The following KIF5C variants were observed in gnomAD, a reference collection of about 807,000 sequenced individuals.
KIF5C encodes the protein kinesin heavy chain isoform 5C.
KIF5C carries 18 observed loss-of-function variants against 125.2 expected under a neutral mutation model. The ratio of observed to expected loss-of-function variants is 0.14; its 90% CI spans 0.10 to 0.21. The LOEUF is 0.21. Among genes scored for constraint, KIF5C ranks in the 10% least tolerant of loss-of-function variants. The pLI is 1.00. For missense variants in KIF5C, 780 were observed against 1,183.8 expected, an observed-to-expected ratio of 0.66 and a Z score of 5.01; for synonymous variants, 405 against 434.0, an observed-to-expected ratio of 0.93 and a Z score of 0.83.
intron 13 of KIF5C, among the ~76,000 whole-genome samples, chr2:148,980,950 TC>T (rs147872785): frequency 0.016 from 2,404 of 152,190 alleles, 74 homozygotes; most frequent in African/African-American, 0.055. Context: ...CCTCAGGTAA[TC>T]CACCTGCCTC....
intron 1 of KIF5C, among the ~76,000 whole-genome samples, chr2:148,890,422 G>T (rs1681674975): frequency 6.6e-6 from 1 of 151,980 alleles, no homozygotes; most frequent in Non-Finnish European, 1.5e-5. Context: ...GATCACTTGA[G>T]CCCAGGAATT....
chr2:148,961,021 C>T (rs1054120472), intron 10 of KIF5C, among the ~76,000 whole-genome samples: 49 of 152,278 alleles, frequency 3.2e-4, no homozygotes, highest in African/African-American at 1.2e-3. Flanking sequence ...CTGATTTGCT[C>T]TCCACAGTTG....
intron 20 of KIF5C, 45 bp downstream of exon 20, chr2:149,000,569 G>T: frequency 6.4e-7 from 1 of 1,550,922 alleles, no homozygotes; most frequent in Non-Finnish European, 8.7e-7. Context: ...TCATCCCCAT[G>T]ATATTCTGGT....
At position 148,875,290 on chromosome 2, in the gene KIF5C, C is replaced by A. The variant is rs957567200; in HGVS notation, c.-328C>A. 7.7e-5 allele frequency: 19 copies of A among 245,776 alleles called. No homozygotes were observed. The highest frequency in any genetic ancestry group is 1.2e-4 in the Non-Finnish European group (15 of 129,474). The allele number at this position is 245,776 out of a possible 1,614,324, so 15.2% of individuals were successfully genotyped here. ...AGGAGCCCGGGAGGTCTGAGCCGGG[C>A]GAGGCTCGCTCCCTGCGCATCGCCT... On this transcript the variant is annotated 5_prime_UTR_variant, in exon 1 of 26. Transcript: ENST00000435030.
chr2:149,019,110 G>A (rs921221281), intron 25 of KIF5C, among the ~76,000 whole-genome samples: 9 of 152,164 alleles, frequency 5.9e-5, no homozygotes, highest in Admixed American at 1.3e-4. Flanking sequence ...TCCCCCAGCT[G>A]TTTCTGCATT....
In KIF5C at chr2:149,025,417, T is replaced by TA. The variant is rs1227634635; in HGVS notation, c.*2349dup. On this transcript the variant is annotated 3_prime_UTR_variant, in exon 26 of 26. Coordinates refer to ENST00000435030, the MANE Select transcript of KIF5C (RefSeq NM_004522.3). ...ATGGATCCTTAAATATTGCTATGTA[T>TA]AATAAGCCAGTTATTATATCAGGAC... 1 of 152,644 alleles carries TA rather than the reference T, an allele frequency of 6.6e-6. No homozygotes were observed. The highest frequency in any genetic ancestry group is 1.9e-4 in the East Asian group (1 of 5,198). 9.5% of individuals were successfully genotyped at this position (152,644 alleles called of 1,614,324 possible).
chr2:148,997,210 T>C, intron 17 of KIF5C, 54 bp from the exon 18 acceptor site: 2 of 1,572,978 alleles, frequency 1.3e-6, no homozygotes, highest in South Asian at 2.3e-5. Context: ...TTTTTGCTTT[T>C]GGGTGTGAGT....
intron 16 of KIF5C, 79 bp from the exon 17 acceptor site, chr2:148,994,342 A>G (rs1418863446): frequency 5.3e-6 from 8 of 1,510,430 alleles, no homozygotes; most frequent in East Asian, 5.0e-5. Context: ...CCTCTCTCGC[A>G]TTTTCCTACC....
In KIF5C at chr2:149,011,625, C is replaced by T. The variant is rs377142145; in HGVS notation, c.2823C>T (p.Ala941=). The T allele has an allele frequency of 1.8e-5, 29 of 1,613,986 alleles. No homozygotes were observed. The African/African-American group carries it at 3.5e-4, about 19-fold the overall frequency. Residue 941 remains alanine (A), a synonymous_variant, in exon 25 of 26, where the codon GCC becomes GCT. Coordinates refer to ENST00000435030, the MANE Select transcript of KIF5C (RefSeq NM_004522.3). ...YPASSPTAVH[A]IRGGGGSSSN... ...CCTCATCTCCAACGGCCGTCCATGC[C>T]ATTCGAGGGGGAGGAGGCAGCTCTT... is the stretch of plus-strand genomic sequence containing the variant.
At chr2:148,905,912 CT>C (rs1300278196) in intron 1 of KIF5C, among the ~76,000 whole-genome samples, 2 of 152,210 alleles carry the variant, frequency 1.3e-5, no homozygotes, top group East Asian at 3.8e-4. Flanking sequence ...GGAAACTCCT[CT>C]CTGTAAACCC....
rs1558876307 is a variant in KIF5C, at chr2:148,895,876, C to CACACA, written c.126+20133_126+20134insACACA. Among the ~76,000 whole-genome samples the CACACA allele has an allele frequency of 5.1e-3, 138 of 27,150 alleles. 2 individuals are homozygous for CACACA. Among genetic ancestry groups the CACACA allele is most frequent in the African/African-American group, 9.2e-3 (126 of 13,670 alleles). The allele number at this position is 27,150 out of a possible 152,430, so 17.8% of individuals were successfully genotyped here. On this transcript the variant is annotated intron_variant, in intron 1 of 25. Coordinates refer to ENST00000435030, the MANE Select transcript of KIF5C (RefSeq NM_004522.3). ...CACACACACACACACACACACACAC[C>CACACA]CACAGAGATCTGGTGTCTCTTCCTC...
At chr2:148,879,323 A>T (rs900228286) in intron 1 of KIF5C, 3 of 152,204 alleles carry the variant, frequency 2.0e-5, no homozygotes, top group African/African-American at 4.8e-5. Flanking sequence ...GAATTCTGGA[A>T]ACTTTACTTT....
chr2:148,986,585 G>A (rs1180185806), intron 15 of KIF5C, among the ~76,000 whole-genome samples: 1 of 152,096 alleles, frequency 6.6e-6, no homozygotes, highest in African/African-American at 2.4e-5. Context: ...TTTCTTATTG[G>A]TCATGACTAT....
chr2:148,875,575 G>GCCCCCCCCCCCCCCCCCCCC lies in KIF5C; in HGVS notation c.-37_-36insCCCCCCCCCCCCCCCCCCCC. 2.9e-6 allele frequency: 2 copies of GCCCCCCCCCCCCCCCCCCCC among 699,582 alleles called. No homozygotes were observed. The allele number at this position is 699,582 out of a possible 1,614,324, so 43.3% of individuals were successfully genotyped here. Reference sequence around the variant, plus strand: ...TCCTCCCTCGTCGTTCCCGGCCCCGGCCCCCCACCCATCCCCGTGCCCCCT... The same window carrying GCCCCCCCCCCCCCCCCCCCC: ...TCCTCCCTCGTCGTTCCCGGCCCCGGCCCCCCCCCCCCCCCCCCCCCCCCCCACCCATCCCCGTGCCCCCT... On this transcript the variant is annotated 5_prime_UTR_variant, in exon 1 of 26. Transcript: ENST00000435030.
intron 11 of KIF5C, among the ~76,000 whole-genome samples, chr2:148,970,286 C>T (rs1476414937): frequency 6.6e-6 from 1 of 152,154 alleles, no homozygotes; most frequent in African/African-American, 2.4e-5. Flanking sequence ...ACACAAATCA[C>T]AGAATAAGTA....
At chr2:148,990,605 G>T (rs1037371065) in intron 15 of KIF5C, among the ~76,000 whole-genome samples, 2 of 152,194 alleles carry the variant, frequency 1.3e-5, no homozygotes, top group African/African-American at 4.8e-5. Context: ...GTTTTGATTT[G>T]AGTTTTTATA....
intron 11 of KIF5C, among the ~76,000 whole-genome samples, chr2:148,966,355 C>T (rs529588019): frequency 1.4e-3 from 194 of 140,290 alleles, no homozygotes; most frequent in Middle Eastern, 3.9e-3. Flanking sequence ...TGTGTGTGTG[C>T]GCGCGCGCAC....
At chr2:148,953,587 A>C (rs1682719862) in intron 10 of KIF5C, among the ~76,000 whole-genome samples, 2 of 152,208 alleles carry the variant, frequency 1.3e-5, no homozygotes, top group South Asian at 4.1e-4. Flanking sequence ...GCACATCCCA[A>C]ATTCATTGTA....
At chr2:148,896,532 T>A (rs1028241930) in intron 1 of KIF5C, among the ~76,000 whole-genome samples, 2 of 152,220 alleles carry the variant, frequency 1.3e-5, no homozygotes, top group African/African-American at 4.8e-5. Flanking sequence ...TATCCTGTTT[T>A]ATTCAGTGAG....
Sources: gnomAD v4.1 joint callset for allele counts (sites outside exome capture counted in the v4.1 genomes callset) on GRCh38, gnomAD v4.1.1 for gene constraint, MANE v1.5 for transcripts, NCBI Gene and HGNC (gene_info 2026-07-23, HGNC 2026-07-21) for gene names.